Variants in ACADS observed in about 807,000 individuals in gnomAD.
ACADS encodes acyl-CoA dehydrogenase short chain.
A neutral mutation model predicts 46.8 loss-of-function variants in ACADS; 28 were observed. The ratio of observed to expected loss-of-function variants is 0.60; its 90% CI spans 0.44 to 0.82. The LOEUF is 0.82. ACADS is among the 40% of genes least tolerant of loss of function. The pLI is 0.00. For synonymous variants in ACADS, 236 were observed against 237.7 expected (o/e 0.99, Z 0.07); for missense variants, 528 against 578.0 (o/e 0.91, Z 0.89).
chr12:120,739,107 A>G, intron 8 of ACADS, 33 bp from the exon 9 acceptor site: 2 of 1,612,960 alleles, frequency 1.2e-6, no homozygotes, highest in Non-Finnish European at 1.7e-6. Flanking sequence ...GGGTCCCCTC[A>G]AGGGAAGGCT....
At chr12:120,735,271 CAAAAA>C (rs71076650) in intron 2 of ACADS, among the ~76,000 whole-genome samples, 2 of 55,652 alleles carry the variant, frequency 3.6e-5, no homozygotes, top group East Asian at 6.5e-4. Flanking sequence ...GACTCTGTTT[CAAAAA>C]AAAAAAAAAA....
Position 120,739,271 on chromosome 12 carries a change from T to G in ACADS, c.1087-25T>G, listed in dbSNP as rs1210161238. The G allele has an allele frequency of 5.0e-6, 8 of 1,612,868 alleles. No individual in the cohort carries two copies. In the Admixed American group the frequency reaches 1.2e-4, roughly 24 times the overall value. ...TTTCCCCACGCCGGGGTCTTCTCCC[T>G]CCTGAGCCACTGTTCTCATCTCAGG... On this transcript the variant is annotated intron_variant, in intron 9 of 9. Transcript: ENST00000242592.
Position 120,739,430 on chromosome 12 carries a change from C to T in ACADS, c.1221C>T (p.Leu407=). ...GGCTGGTGATCGCCGGGCATCTGCT[C>T]AGGAGCTACCGGAGCTGAGCCCGCG... ...IQRLVIAGHL[L]RSYRS Residue 407 remains leucine, a synonymous_variant, in exon 10 of 10, where the codon CTC becomes CTT. Coordinates refer to ENST00000242592, the MANE Select transcript of ACADS (RefSeq NM_000017.4). 1 of 1,610,826 alleles carries T rather than the reference C, an allele frequency of 6.2e-7. No individual in the cohort carries two copies. The highest frequency in any genetic ancestry group is 8.5e-7 in the Non-Finnish European group (1 of 1,179,746).
chr12:120,733,081 G>C (rs961276107), intron 2 of ACADS, among the ~76,000 whole-genome samples: 1 of 152,258 alleles, frequency 6.6e-6, no homozygotes, highest in South Asian at 2.1e-4. Flanking sequence ...AACCAGTCAG[G>C]CGTGGCGGCG....
Position 120,739,809 on chromosome 12 carries a change from T to C in ACADS, c.*361T>C. 3.2e-6 allele frequency: 1 copy of C among 311,626 alleles called. No individual in the cohort carries two copies. The highest frequency in any genetic ancestry group is 6.2e-6 in the Non-Finnish European group (1 of 161,912). 19.3% of individuals were successfully genotyped at this position (311,626 alleles called of 1,614,324 possible). The stretch of plus-strand genomic sequence containing the variant: ...TGCGACAGGCCCTTGGTGGGGTCTG[T>C]CTTTTCCTTGAGGTCAGAGGTCAGG... On this transcript the variant is annotated 3_prime_UTR_variant, in exon 10 of 10. Coordinates refer to ENST00000242592, the MANE Select transcript of ACADS (RefSeq NM_000017.4).
intron 2 of ACADS, 96 bp from the exon 3 acceptor site, chr12:120,736,890 C>A: frequency 6.9e-7 from 1 of 1,446,198 alleles, no homozygotes; most frequent in South Asian, 1.4e-5. Context: ...TGAGTTTCTG[C>A]AGGGCACTGC....
chr12:120,739,642 C>A lies in ACADS; in HGVS notation c.*194C>A. On this transcript the variant is annotated 3_prime_UTR_variant, in exon 10 of 10. Transcript: ENST00000242592. ...TGGCAGCTCCGCCTCTGGGCCTTTC[C>A]GCCTCCTCACCACTGTGCCTCAAGT... 1.5e-6 allele frequency: 1 copy of A among 654,576 alleles called. No individual in the cohort carries two copies. The highest frequency in any genetic ancestry group is 2.6e-6 in the Non-Finnish European group (1 of 386,526). The allele number at this position is 654,576 out of a possible 1,614,324, so 40.5% of individuals were successfully genotyped here. A position where few individuals can be genotyped will look rare whatever the true frequency, so the allele number is the denominator to read the frequency against.
At position 120,738,435 on chromosome 12, in the gene ACADS, C is replaced by T. The variant is rs1592940648; in HGVS notation, c.780C>T (p.Gly260=). ...KDSILGEPGM[G]FKIAMQTLDM... ...GCATCCTGGGGGAGCCAGGGATGGG[C>T]TTCAAGATAGCCATGGTGAGCCCGG... is the stretch of plus-strand genomic sequence containing the variant. Residue 260 remains glycine, a synonymous_variant, in exon 6 of 10, where the codon GGC becomes GGT. Coordinates refer to ENST00000242592, the MANE Select transcript of ACADS (RefSeq NM_000017.4). 6.2e-7 allele frequency: 1 copy of T among 1,611,272 alleles called. No homozygotes were observed. The highest frequency in any genetic ancestry group is 8.5e-7 in the Non-Finnish European group (1 of 1,179,960).
chr12:120,739,383 G>C lies in ACADS; in HGVS notation c.1174G>C (p.Glu392Gln). ...CGACGCCCGCATCACTGAGATCTAC[G>C]AGGGCACCAGCGAAATCCAGCGGCT... is the stretch of plus-strand genomic sequence containing the variant. ...YRDARITEIYEGTSEIQRLVI... is the reference protein window; with the variant it reads ...YRDARITEIYQGTSEIQRLVI... The change falls in exon 10 of 10, where the codon GAG becomes CAG. Residue 392 changes from glutamate to glutamine, a missense_variant. Transcript: ENST00000242592. 6.2e-7 allele frequency: 1 copy of C among 1,612,912 alleles called. No individual in the cohort carries two copies. Among genetic ancestry groups the C allele is most frequent in the Non-Finnish European group, 8.5e-7 (1 of 1,179,960 alleles).
intron 2 of ACADS, among the ~76,000 whole-genome samples, chr12:120,735,781 C>T (rs1328296023): frequency 2.0e-5 from 3 of 151,994 alleles, no homozygotes; most frequent in African/African-American, 7.3e-5. Flanking sequence ...CACCTGTAAT[C>T]TCAGCTACTC....
intron 3 of ACADS, 31 bp downstream of exon 3, chr12:120,737,166 C>T (rs376973226): frequency 9.0e-6 from 14 of 1,560,540 alleles, no homozygotes; most frequent in African/African-American, 2.7e-5. Flanking sequence ...CTGGGACACA[C>T]GGGTGGAGGG....
chr12:120,732,327 CCCGGACGGGGTGGCTG>C (rs1206682851), intron 2 of ACADS, among the ~76,000 whole-genome samples: 17 of 151,768 alleles, frequency 1.1e-4, no homozygotes, highest in Admixed American at 3.3e-4. Flanking sequence ...CAACCTCCCT[CCCGGACGGGGTGGCTG>C]CCGGACGGGG....
Position 120,727,182 on chromosome 12 carries a change from C to A in ACADS, c.203C>A (p.Ala68Glu), listed in dbSNP as rs148789330. ...GTGGATAAGGAACATCTCTTCCCAG[C>A]GGCTCAGGTGAGAGTGCAACCTCAG... ...AQVDKEHLFPAAQVKKMGGLG... is the reference protein window; with the variant it reads ...AQVDKEHLFPEAQVKKMGGLG... The change falls in exon 2 of 10, where the codon GCG (alanine) becomes GAG (glutamate). Residue 68 changes from alanine (A) to glutamate (E), a missense_variant. Ala to Glu is a moderately radical substitution (Grantham distance 107). Coordinates refer to ENST00000242592, the MANE Select transcript of ACADS (RefSeq NM_000017.4). The A allele has an allele frequency of 3.7e-6, 6 of 1,614,038 alleles. No individual in the cohort carries two copies. In the Admixed American group the frequency reaches 5.0e-5, roughly 13 times the overall value.
At chr12:120,727,297 A>G in intron 2 of ACADS, 108 bp downstream of exon 2, 1 of 1,453,252 alleles carries the variant, frequency 6.9e-7, no homozygotes, top group Admixed American at 1.7e-5. Context: ...GGAACCCCAA[A>G]GCAGGGCCTG....
intron 2 of ACADS, among the ~76,000 whole-genome samples, 155 bp from the exon 3 acceptor site, chr12:120,736,831 C>T (rs1883453442): frequency 1.3e-5 from 2 of 151,990 alleles, no homozygotes; most frequent in African/African-American, 2.4e-5. Flanking sequence ...ACTGGGTCTT[C>T]AGCTTCTGGA....
Position 120,739,855 on chromosome 12 carries a change from G to A in ACADS, c.*407G>A, listed in dbSNP as rs1883604416. On this transcript the variant is annotated 3_prime_UTR_variant, in exon 10 of 10. Transcript: ENST00000242592. ...TCAGGAGCAGGGCTGGGGTCAGGAT[G>A]ACGAGGCCTGGGGTCCTGGTGTTGG... The A allele has an allele frequency of 4.3e-6, 1 of 233,754 alleles. No individual in the cohort carries two copies. The highest frequency in any genetic ancestry group is 5.1e-5 in the Admixed American group (1 of 19,560). The allele number at this position is 233,754 out of a possible 1,614,324, so 14.5% of individuals were successfully genotyped here.
rs537512881 is a variant in ACADS, at chr12:120,739,714, G to C, written c.*266G>C. On this transcript the variant is annotated 3_prime_UTR_variant, in exon 10 of 10. Transcript: ENST00000242592. ...CCTCCTGGGGGCGGGGTTGTGGGGG[G>C]GCTGAGCGACACTCAGGGACACCTC... is the stretch of plus-strand genomic sequence containing the variant. The C allele has an allele frequency of 2.8e-5, 15 of 540,896 alleles. No individual in the cohort carries two copies. Among genetic ancestry groups the C allele is most frequent in the Non-Finnish European group, 4.7e-5 (14 of 300,556 alleles). The allele number at this position is 540,896 out of a possible 1,614,324, so 33.5% of individuals were successfully genotyped here.
In ACADS at chr12:120,728,940, T is replaced by C. The variant is rs1044075481; in HGVS notation, c.210+1751T>C. Among the ~76,000 whole-genome samples the C allele has an allele frequency of 8.5e-5, 13 of 152,158 alleles. No individual in the cohort carries two copies. The highest frequency in any genetic ancestry group is 2.7e-4 in the African/African-American group (11 of 41,426). ...CACTGCTGGGAAAGGGGTCTTACAG[T>C]TTCTTACGGTTTCTCTTGGGAGTCT... On this transcript the variant is annotated intron_variant, in intron 2 of 9. Coordinates refer to ENST00000242592, the MANE Select transcript of ACADS (RefSeq NM_000017.4). This position sits in a 1 kb window ranked among gnomAD's most constrained non-coding sequence, Gnocchi z 4.0.
Position 120,725,935 on chromosome 12 carries a change from A to G in ACADS, c.46+4A>G. Reference sequence around the variant, plus strand: ...GCCTCGGGCCCTGCCCGCAGAGGTGAGTGCGCTGGGGATCCGTACGGCGGG... The same window carrying G: ...GCCTCGGGCCCTGCCCGCAGAGGTGGGTGCGCTGGGGATCCGTACGGCGGG... On this transcript the variant is annotated splice_donor_region_variant and intron_variant, in intron 1 of 9. Transcript: ENST00000242592. 3 of 1,547,354 alleles carry G rather than the reference A, an allele frequency of 1.9e-6. No homozygotes were observed. The highest frequency in any genetic ancestry group is 2.6e-6 in the Non-Finnish European group (3 of 1,156,386).
Sources: allele counts gnomAD v4.1 joint callset (sites outside exome capture counted in the v4.1 genomes callset), GRCh38; gene constraint gnomAD v4.1.1; non-coding constraint Gnocchi (gnomAD v3.1); transcripts MANE v1.5; gene names NCBI Gene and HGNC (gene_info 2026-07-23, HGNC 2026-07-21).